ECPAS: variants seen among roughly 807,000 people sequenced by gnomAD.
ECPAS encodes the protein proteasome adapter and scaffold protein ECM29.
In ECPAS, 70 loss-of-function variants were observed where a neutral mutation model predicts 255.1. The observed-to-expected ratio is 0.27, with a 90% CI of 0.23 to 0.33. The LOEUF is 0.33. Ranked by LOEUF, ECPAS falls within the 10% of genes least tolerant of loss-of-function variation. The pLI is 1.00. For missense variants in ECPAS, 1,817 were observed against 2,206.4 expected, an observed-to-expected ratio of 0.82 and a Z score of 3.54; for synonymous variants, 784 against 775.0, an observed-to-expected ratio of 1.01 and a Z score of -0.19.
At chr9:111,400,144 T>A (rs2098173576) in intron 24 of ECPAS, among the ~76,000 whole-genome samples, 1 of 152,226 alleles carries the variant, frequency 6.6e-6, no homozygotes, top group Admixed American at 6.5e-5. Context: ...CTTCCCCAAG[T>A]CCATCAATGC....
intron 36 of ECPAS, among the ~76,000 whole-genome samples, chr9:111,378,148 AAAAAATAAAAAT>A (rs368322869): frequency 6.0e-5 from 9 of 151,128 alleles, no homozygotes; most frequent in Non-Finnish European, 7.4e-5. Context: ...TCCGTCTCCA[AAAAAATAAAAAT>A]AAAAATAAAA....
chr9:111,474,843 G>A (rs573850602), intron 1 of ECPAS, among the ~76,000 whole-genome samples: 1 of 152,290 alleles, frequency 6.6e-6, no homozygotes, highest in South Asian at 2.1e-4. Context: ...GACTTGCAAA[G>A]GTAAGGTAAT....
intron 8 of ECPAS, among the ~76,000 whole-genome samples, chr9:111,430,858 G>A (rs556578990): frequency 2.0e-5 from 3 of 152,164 alleles, no homozygotes. Flanking sequence ...AGACTCAACA[G>A]ATTATTGTAT....
intron 16 of ECPAS, 69 bp downstream of exon 16, chr9:111,419,948 C>T (rs2098210781): frequency 4.3e-6 from 5 of 1,157,932 alleles, no homozygotes; most frequent in East Asian, 2.4e-5. Context: ...GTAAACAATA[C>T]AACTTTTAGT....
chr9:111,371,910 C>T, intron 42 of ECPAS, 81 bp from the exon 43 acceptor site: 1 of 1,121,108 alleles, frequency 8.9e-7, no homozygotes, highest in Non-Finnish European at 1.3e-6. Flanking sequence ...AAGTCAGTGA[C>T]CAACAGTCTA....
chr9:111,461,246 G>C (rs1165211132), intron 2 of ECPAS, among the ~76,000 whole-genome samples: 3 of 151,018 alleles, frequency 2.0e-5, no homozygotes, highest in African/African-American at 7.3e-5. Flanking sequence ...GATTGCTTGA[G>C]CTCAGGAGTT....
intron 49 of ECPAS, among the ~76,000 whole-genome samples, chr9:111,363,040 G>GAA (rs1431044471): frequency 6.6e-6 from 1 of 151,984 alleles, no homozygotes; most frequent in Non-Finnish European, 1.5e-5. Flanking sequence ...GAGAGAGAGA[G>GAA]AAAAAAGAAG....
In ECPAS at chr9:111,483,991, C is replaced by T; in HGVS notation, c.-83+125G>A. The T allele has an allele frequency of 1.0e-6, 1 of 999,240 alleles. No homozygotes were observed. The highest frequency in any genetic ancestry group is 1.2e-6 in the Non-Finnish European group (1 of 840,662). 61.9% of individuals were successfully genotyped at this position (999,240 alleles called of 1,614,324 possible). Reference sequence around the variant, plus strand: ...CGCGGCTCGTCCTGCCCACCTGTCGCCGCCCGCCCCGCGTGCGCTCCCCGC... The same window carrying T: ...CGCGGCTCGTCCTGCCCACCTGTCGTCGCCCGCCCCGCGTGCGCTCCCCGC... On this transcript the variant is annotated intron_variant, in intron 1 of 49. Transcript: ENST00000684092.
intron 2 of ECPAS, among the ~76,000 whole-genome samples, chr9:111,452,880 G>C (rs1018625766): frequency 2.3e-4 from 35 of 152,132 alleles, no homozygotes; most frequent in Non-Finnish European, 8.8e-5. Context: ...TTGGAAAAAG[G>C]TCTGAGTTTA....
At position 111,414,596 on chromosome 9, in the gene ECPAS, G is replaced by A. The variant is rs1440935845; in HGVS notation, c.1820C>T (p.Ser607Phe). 1 of 1,614,004 alleles carries A rather than the reference G, an allele frequency of 6.2e-7. No individual in the cohort carries two copies. Among genetic ancestry groups the A allele is most frequent in the South Asian group, 1.1e-5 (1 of 91,084 alleles). Residue 607 changes from serine (S) to phenylalanine (F), a missense_variant, in exon 19 of 50, where the codon TCT (serine) becomes TTT (phenylalanine). Coordinates refer to ENST00000684092, the MANE Select transcript of ECPAS (RefSeq NM_001364929.1). ...LAHSAGVVPT[S>F]QSLADMQDHA... ...ATCCTGCATATCAGCCAAACTCTGAGAGGTGGGCACCACCCCCGCACTGTG... is the reference window on the plus strand; with the variant it reads ...ATCCTGCATATCAGCCAAACTCTGAAAGGTGGGCACCACCCCCGCACTGTG...
intron 12 of ECPAS, among the ~76,000 whole-genome samples, chr9:111,425,039 C>T (rs1251678953): frequency 2.0e-5 from 3 of 151,856 alleles, no homozygotes; most frequent in African/African-American, 7.3e-5. Flanking sequence ...AAAAAATTAG[C>T]TGGGTGTGGT....
Position 111,385,458 on chromosome 9 carries a change from T to A in ECPAS, c.3528-16A>T. 7.4e-7 allele frequency: 1 copy of A among 1,349,240 alleles called. No individual in the cohort carries two copies. The highest frequency in any genetic ancestry group is 1.0e-6 in the Non-Finnish European group (1 of 967,154). The allele number at this position is 1,349,240 out of a possible 1,614,324, so 83.6% of individuals were successfully genotyped here. Reference sequence around the variant, plus strand: ...AGCTAAACAGCTGAAAATCAAAATTTCATTTCAATATATGATGAAAAAGGT... The same window carrying A: ...AGCTAAACAGCTGAAAATCAAAATTACATTTCAATATATGATGAAAAAGGT... On this transcript the variant is annotated splice_polypyrimidine_tract_variant and intron_variant, in intron 32 of 49. Transcript: ENST00000684092.
intron 4 of ECPAS, 94 bp from the exon 5 acceptor site, chr9:111,442,518 C>T: frequency 1.3e-6 from 1 of 796,220 alleles, no homozygotes. Flanking sequence ...GTTATGGTTA[C>T]AACAAAGACA....
At position 111,417,961 on chromosome 9, in the gene ECPAS, A is replaced by G. The variant is rs748617758; in HGVS notation, c.1605T>C (p.Leu535=). 1.4e-5 allele frequency: 23 copies of G among 1,607,766 alleles called. No homozygotes were observed. The Admixed American group carries it at 2.7e-4, about 19-fold the overall frequency. The change falls in exon 17 of 50, where the codon CTT becomes CTC. Residue 535 remains leucine (L), a synonymous_variant. Transcript: ENST00000684092. ...HGEAQRVLRC[L]PGRNRKESTS... is the part of the protein sequence containing the mutation. Reference sequence around the variant, plus strand: ...TACTTTCTTTTCTGTTTCTACCTGGAAGACACCTTAATACGCGTTGTGCTT... The same window carrying G: ...TACTTTCTTTTCTGTTTCTACCTGGGAGACACCTTAATACGCGTTGTGCTT...
At chr9:111,382,788 C>T (rs569798802) in intron 35 of ECPAS, among the ~76,000 whole-genome samples, 1 of 152,302 alleles carries the variant, frequency 6.6e-6, no homozygotes, top group South Asian at 2.1e-4. Flanking sequence ...GAATCCTACA[C>T]TATTGGTTTT....
At chr9:111,392,433 C>T (rs564236254) in intron 28 of ECPAS, among the ~76,000 whole-genome samples, 2 of 152,370 alleles carry the variant, frequency 1.3e-5, no homozygotes, top group African/African-American at 4.8e-5. Flanking sequence ...TTTCCCCTCA[C>T]ACTCTTCACG....
At chr9:111,407,674 C>T (rs1345152896) in intron 24 of ECPAS, among the ~76,000 whole-genome samples, 2 of 152,082 alleles carry the variant, frequency 1.3e-5, no homozygotes, top group East Asian at 3.9e-4. Context: ...TCATTTAAGG[C>T]CCAGCAGAAA....
chr9:111,441,013 G>A (rs1263565051), intron 5 of ECPAS, among the ~76,000 whole-genome samples: 4 of 151,788 alleles, frequency 2.6e-5, no homozygotes, highest in East Asian at 3.9e-4. Context: ...TCAGCCAGGC[G>A]CGGTGGCGGG....
At chr9:111,411,985 C>T (rs774735917) in intron 21 of ECPAS, 29 bp downstream of exon 21, 1 of 1,493,270 alleles carries the variant, frequency 6.7e-7, no homozygotes, top group Non-Finnish European at 8.9e-7. Flanking sequence ...CTATCTCCCA[C>T]AAAAAAGAAT....
Sources: gnomAD v4.1 joint callset for allele counts (sites outside exome capture counted in the v4.1 genomes callset) on GRCh38, gnomAD v4.1.1 for gene constraint, MANE v1.5 for transcripts, NCBI Gene and HGNC (gene_info 2026-07-23, HGNC 2026-07-21) for gene names.